The following STK11IP variants were observed in gnomAD, a reference collection of about 807,000 sequenced individuals.
The protein encoded by STK11IP is serine/threonine-protein kinase 11-interacting protein.
A neutral mutation model predicts 131.7 loss-of-function variants in STK11IP; 103 were observed. The observed-to-expected ratio is 0.78, with a 90% CI of 0.67 to 0.92. STK11IP has a LOEUF of 0.92. Ranked by LOEUF, STK11IP falls within the 40% of genes least tolerant of loss-of-function variation. STK11IP has a pLI of 0.00. For synonymous variants in STK11IP, 557 were observed against 575.6 expected (o/e 0.97, Z 0.46); for missense variants, 1,315 against 1,385.7 (o/e 0.95, Z 0.81).
chr2:219,611,835 G>T lies in STK11IP; in HGVS notation c.2335+1G>T. On this transcript the variant is annotated splice_donor_variant, in intron 18 of 24. Coordinates refer to ENST00000456909, the MANE Select transcript of STK11IP (RefSeq NM_052902.4). LOFTEE classifies it high-confidence loss of function. ...CATGGTAGTTGGAGCCTCAGTCCCC[G>T]TGAGTATAGGCAAAACAAGACATAG... 1 of 1,609,296 alleles carries T rather than the reference G, an allele frequency of 6.2e-7. No homozygotes were observed. Among genetic ancestry groups the T allele is most frequent in the East Asian group, 2.2e-5 (1 of 44,698 alleles).
At chr2:219,609,008 T>G (rs1041607797) in intron 15 of STK11IP, 89 bp from the exon 16 acceptor site, 1 of 1,134,344 alleles carries the variant, frequency 8.8e-7, no homozygotes, top group Non-Finnish European at 1.3e-6. Context: ...GCTTCAGAGG[T>G]CCTGCCATCC....
chr2:219,614,084 G>A (rs1365453604), intron 21 of STK11IP, 77 bp from the exon 22 acceptor site: 3 of 1,568,640 alleles, frequency 1.9e-6, no homozygotes, highest in South Asian at 2.2e-5. Flanking sequence ...TGGAGAATAG[G>A]AAGGGATTGA....
chr2:219,608,756 G>GAGGCCC lies in STK11IP; in HGVS notation c.1786_1791dup (p.Ala596_Gln597dup). On this transcript the variant is annotated inframe_insertion, in exon 15 of 25. Coordinates refer to ENST00000456909, the MANE Select transcript of STK11IP (RefSeq NM_052902.4). ...TCTGGAGGCAGCTGAGATAGAGCCG[G>GAGGCCC]AGGCCCAGGCCCAGAGGTCGCCCAG... The GAGGCCC allele has an allele frequency of 6.2e-7, 1 of 1,610,608 alleles. No individual in the cohort carries two copies. The highest frequency in any genetic ancestry group is 1.1e-5 in the South Asian group (1 of 90,588).
intron 23 of STK11IP, 57 bp downstream of exon 23, chr2:219,614,603 G>T: frequency 1.3e-6 from 2 of 1,562,804 alleles, no homozygotes; most frequent in Non-Finnish European, 8.8e-7. Context: ...CTTGTCACAG[G>T]CACTGGCCCA....
Position 219,608,206 on chromosome 2 carries a change from C to G in STK11IP, c.1379C>G (p.Ser460Cys). The change falls in exon 14 of 25, where the codon TCC (serine) becomes TGC (cysteine). Residue 460 changes from serine to cysteine, a missense_variant. Coordinates refer to ENST00000456909, the MANE Select transcript of STK11IP (RefSeq NM_052902.4). ...GCACCCAGTGCACCTCCAGCCAGCT[C>G]CCAGGGCCCCGACACTGCACCCAGA... ...TSAPSAPPAS[S>C]QGPDTAPRPS... is the part of the protein sequence containing the mutation. 6.2e-7 allele frequency: 1 copy of G among 1,613,648 alleles called. No homozygotes were observed. Among genetic ancestry groups the G allele is most frequent in the Non-Finnish European group, 8.5e-7 (1 of 1,179,884 alleles).
chr2:219,598,022 T>C, intron 1 of STK11IP, 72 bp from the exon 2 acceptor site: 1 of 1,573,928 alleles, frequency 6.4e-7, no homozygotes, highest in Non-Finnish European at 8.6e-7. Context: ...ACGCCTCGGT[T>C]TGCGCGGACG....
In STK11IP at chr2:219,602,002, C is replaced by G. The variant is rs760202216; in HGVS notation, c.357C>G (p.Pro119=). ...CCTTGTCCCAGCTCCGAGGTGTTCC[C>G]CTCCACTGTCTGCATGGCCTCCGAG... is the stretch of plus-strand genomic sequence containing the variant. ...SLRHLELRGV[P]LHCLHGLRGI... The change falls in exon 5 of 25, where the codon CCC becomes CCG. Residue 119 remains proline, a synonymous_variant. Transcript: ENST00000456909. The G allele has an allele frequency of 3.1e-6, 5 of 1,611,220 alleles. No individual in the cohort carries two copies. The highest frequency in any genetic ancestry group is 4.2e-6 in the Non-Finnish European group (5 of 1,178,926).
At position 219,616,285 on chromosome 2, in the gene STK11IP, G is replaced by C; in HGVS notation, c.*92G>C. 6.8e-7 allele frequency: 1 copy of C among 1,475,328 alleles called. No individual in the cohort carries two copies. The highest frequency in any genetic ancestry group is 9.1e-7 in the Non-Finnish European group (1 of 1,103,018). The allele number at this position is 1,475,328 out of a possible 1,614,324, so 91.4% of individuals were successfully genotyped here. ...TGGGTCTGGCTTCCAGGCTCTGGCT[G>C]TGGATGTCTTCAGCCTCTGGGTGCT... is the stretch of plus-strand genomic sequence containing the variant. On this transcript the variant is annotated 3_prime_UTR_variant, in exon 25 of 25. Coordinates refer to ENST00000456909, the MANE Select transcript of STK11IP (RefSeq NM_052902.4).
Position 219,602,688 on chromosome 2 carries a change from C to T in STK11IP, c.547-17C>T. ...GTAGTGAACATCGATTCTCTGCCTC[C>T]TCCCCGTCTCTCTCAGCGCCTCTTG... On this transcript the variant is annotated splice_polypyrimidine_tract_variant and intron_variant, in intron 6 of 24. Coordinates refer to ENST00000456909, the MANE Select transcript of STK11IP (RefSeq NM_052902.4). 1.9e-6 allele frequency: 3 copies of T among 1,613,548 alleles called. No homozygotes were observed. Among genetic ancestry groups the T allele is most frequent in the Non-Finnish European group, 1.7e-6 (2 of 1,179,652 alleles).
At chr2:219,605,295 G>A (rs891992877) in intron 7 of STK11IP, among the ~76,000 whole-genome samples, 2 of 152,192 alleles carry the variant, frequency 1.3e-5, no homozygotes, top group African/African-American at 4.8e-5. Flanking sequence ...ACAGAGACTG[G>A]GAGACGGGGC....
rs368360619 is a variant in STK11IP, at chr2:219,598,083, TCC to T, written c.-26-4_-26-3del. The T allele has an allele frequency of 1.3e-6, 2 of 1,564,940 alleles. No individual in the cohort carries two copies. Among genetic ancestry groups the T allele is most frequent in the Non-Finnish European group, 1.7e-6 (2 of 1,154,920 alleles). ...ACCTGAGGCTCTTCCGCTTCCTCTTTCCCCCCCCAGGCTCCGCCCCCCAGCGT... is the reference window on the plus strand; with the variant it reads ...ACCTGAGGCTCTTCCGCTTCCTCTTTCCCCCCAGGCTCCGCCCCCCAGCGT... On this transcript the variant is annotated splice_polypyrimidine_tract_variant and intron_variant, in intron 1 of 24. Coordinates refer to ENST00000456909, the MANE Select transcript of STK11IP (RefSeq NM_052902.4).
In STK11IP at chr2:219,608,320, A is replaced by G; in HGVS notation, c.1493A>G (p.Glu498Gly). The G allele has an allele frequency of 3.1e-6, 5 of 1,604,336 alleles. No homozygotes were observed. Among genetic ancestry groups the G allele is most frequent in the Non-Finnish European group, 4.3e-6 (5 of 1,175,594 alleles). ...EEVRAEPQEE[E>G]EEKEGKEEKE... ...GTCAGGGCGGAGCCACAGGAGGAGG[A>G]AGAGGAGAAGGAGGGGAAGGAGGAG... Residue 498 changes from glutamate to glycine, a missense_variant, in exon 14 of 25, where the codon GAA becomes GGA. Glu to Gly is a moderately conservative substitution (Grantham distance 98). Coordinates refer to ENST00000456909, the MANE Select transcript of STK11IP (RefSeq NM_052902.4).
At position 219,614,173 on chromosome 2, in the gene STK11IP, C is replaced by G; in HGVS notation, c.2729C>G (p.Ser910Cys). Residue 910 changes from serine (S) to cysteine (C), a missense_variant, in exon 22 of 25, where the codon TCT (serine) becomes TGT (cysteine). Transcript: ENST00000456909. ...FLEELLDVLQ[S>C]LPPAWRNCVS... is the part of the protein sequence containing the mutation. ...TGCCTCTGTCTAGATGTCTTGCAGT[C>G]TCTGCCCCCTGCCTGGAGGAACTGT... 1 of 1,613,512 alleles carries G rather than the reference C, an allele frequency of 6.2e-7. No individual in the cohort carries two copies. The highest frequency in any genetic ancestry group is 8.5e-7 in the Non-Finnish European group (1 of 1,179,730).
intron 2 of STK11IP, among the ~76,000 whole-genome samples, chr2:219,599,088 T>C (rs1284586630): frequency 4.6e-5 from 7 of 152,166 alleles, no homozygotes; most frequent in African/African-American, 1.2e-4. Context: ...AGTTTTCTTT[T>C]CTTTCTTTTC....
chr2:219,597,965 G>A, intron 1 of STK11IP, 42 bp downstream of exon 1: 1 of 1,609,114 alleles, frequency 6.2e-7, no homozygotes, highest in Non-Finnish European at 8.5e-7. Flanking sequence ...AGGGCGGCCA[G>A]GAGGATGCTC....
intron 16 of STK11IP, 59 bp downstream of exon 16, chr2:219,609,272 A>G (rs770343593): frequency 2.0e-5 from 32 of 1,575,258 alleles, no homozygotes; most frequent in Non-Finnish European, 2.6e-5. Context: ...GCCAGAGGGA[A>G]GTGGCAGCAG....
chr2:219,599,459 C>T (rs936357163), intron 2 of STK11IP, among the ~76,000 whole-genome samples: 1 of 152,182 alleles, frequency 6.6e-6, no homozygotes, highest in Non-Finnish European at 1.5e-5. Context: ...TGGGAGGAGA[C>T]AACTAGGAGG....
chr2:219,601,560 A>C (rs1697984324), intron 3 of STK11IP, 81 bp from the exon 4 acceptor site: 1 of 1,554,132 alleles, frequency 6.4e-7, no homozygotes, highest in Non-Finnish European at 8.7e-7. Flanking sequence ...CAGAGGTACC[A>C]GTGGTTGTGC....
Position 219,614,065 on chromosome 2 carries a change from C to T in STK11IP, c.2717-96C>T. On this transcript the variant is annotated intron_variant, in intron 21 of 24. Transcript: ENST00000456909. The stretch of plus-strand genomic sequence containing the variant: ...TGTCCCTTGTAGAAGTTTCTGAAAT[C>T]CAGAAATGTGGAGAATAGGAAGGGA... 9 of 1,539,640 alleles carry T rather than the reference C, an allele frequency of 5.8e-6. No homozygotes were observed. In the South Asian group the frequency reaches 6.9e-5, roughly 12 times the overall value.
Sources: allele counts gnomAD v4.1 joint callset (sites outside exome capture counted in the v4.1 genomes callset), GRCh38; gene constraint gnomAD v4.1.1; transcripts MANE v1.5; gene names NCBI Gene and HGNC (gene_info 2026-07-23, HGNC 2026-07-21).